The following RANGAP1 variants were observed in gnomAD, a reference collection of about 807,000 sequenced individuals.
RANGAP1 encodes the protein Ran GTPase activating protein 1.
A neutral mutation model predicts 63.5 loss-of-function variants in RANGAP1; 38 were observed. That is an observed-to-expected ratio of 0.60 (90% CI 0.46 to 0.78). RANGAP1 has a LOEUF of 0.78. Among genes scored for constraint, RANGAP1 ranks in the 30% least tolerant of loss-of-function variants. The pLI is 0.00. For missense variants in RANGAP1, 630 were observed against 740.3 expected (o/e 0.85, Z 1.73); for synonymous variants, 329 against 310.5 (o/e 1.06, Z -0.63).
intron 5 of RANGAP1, among the ~76,000 whole-genome samples, chr22:41,262,373 A>G (rs772987341): frequency 1.3e-5 from 2 of 152,052 alleles, no homozygotes; most frequent in Non-Finnish European, 2.9e-5. Flanking sequence ...AGAACACCTG[A>G]TGTTTGCAGA....
rs56205328 is a variant in RANGAP1, at chr22:41,261,694, A to G, written c.481-114T>C. The G allele has an allele frequency of 5.8e-3, 7,611 of 1,314,272 alleles. 30 individuals are homozygous for G. The highest frequency in any genetic ancestry group is 7.3e-3 in the Non-Finnish European group (6,895 of 942,738). 81.4% of individuals were successfully genotyped at this position (1,314,272 alleles called of 1,614,324 possible). On this transcript the variant is annotated intron_variant, in intron 5 of 15. Coordinates refer to ENST00000356244, the MANE Select transcript of RANGAP1 (RefSeq NM_002883.4). ...CCCACGCCACCCATCGGTGCAGGTC[A>G]GGGGACGCAGGACTGCTAACAGCTC...
upstream of RANGAP1, among the ~76,000 whole-genome samples, chr22:41,289,026 G>T (rs192353372): frequency 3.3e-5 from 5 of 149,668 alleles, no homozygotes; most frequent in Admixed American, 2.7e-4. Context: ...AGGTTCAAGT[G>T]ATTCTTCTGC....
Position 41,245,155 on chromosome 22 carries a change from C to G in RANGAP1, c.*1448G>C, listed in dbSNP as rs962774118. 6.6e-6 allele frequency among the ~76,000 whole-genome samples: 1 copy of G among 152,260 alleles called. No individual in the cohort carries two copies. Among genetic ancestry groups the G allele is most frequent in the African/African-American group, 2.4e-5 (1 of 41,474 alleles). On this transcript the variant is annotated 3_prime_UTR_variant, in exon 16 of 16. Coordinates refer to ENST00000356244, the MANE Select transcript of RANGAP1 (RefSeq NM_002883.4). ...CAGGGCCAGCAGTATCCTCTGCCAC[C>G]TGGTCACCTACGTGGCCGACTGCCA...
chr22:41,279,497 T>C (rs1476762189), intron 2 of RANGAP1, among the ~76,000 whole-genome samples: 1 of 149,136 alleles, frequency 6.7e-6, no homozygotes, highest in African/African-American at 2.5e-5. Context: ...AAAAGAAAAT[T>C]AGCTGGGCAT....
the RANGAP1 span, among the ~76,000 whole-genome samples, chr22:41,299,885 G>T: frequency 2.6e-5 from 4 of 151,960 alleles, no homozygotes; most frequent in South Asian, 8.3e-4. Flanking sequence ...CTGTGTAGCT[G>T]GGACTACAGG....
chr22:41,249,050 G>A (rs539451043), intron 15 of RANGAP1, among the ~76,000 whole-genome samples: 4 of 152,340 alleles, frequency 2.6e-5, no homozygotes, highest in Admixed American at 2.6e-4. Flanking sequence ...AACCAACCCA[G>A]TGCTCCTCAT....
chr22:41,286,792 C>T (rs1388064743), upstream of RANGAP1, among the ~76,000 whole-genome samples: 1 of 152,256 alleles, frequency 6.6e-6, no homozygotes, highest in Non-Finnish European at 1.5e-5. Flanking sequence ...TCATCGCACG[C>T]TTTCTGTGTG....
intron 2 of RANGAP1, among the ~76,000 whole-genome samples, chr22:41,279,516 A>C (rs1459039407): frequency 1.3e-5 from 2 of 151,474 alleles, no homozygotes; most frequent in African/African-American, 4.9e-5. Context: ...ATGGTTGTAC[A>C]CACCTGTAGT....
chr22:41,268,246 G>T, intron 3 of RANGAP1, 90 bp from the exon 4 acceptor site: 1 of 1,096,066 alleles, frequency 9.1e-7, no homozygotes, highest in Non-Finnish European at 1.4e-6. Flanking sequence ...AACTACCAGA[G>T]CATCACAAGA....
chr22:41,256,589 C>T (rs778660435), intron 8 of RANGAP1, 122 bp downstream of exon 8: 67 of 828,382 alleles, frequency 8.1e-5, no homozygotes, highest in Non-Finnish European at 1.1e-4. Flanking sequence ...TCACAGGGCC[C>T]GAAGTGGAGG....
intron 4 of RANGAP1, among the ~76,000 whole-genome samples, chr22:41,267,517 C>T (rs1208285288): frequency 1.3e-5 from 2 of 152,168 alleles, no homozygotes; most frequent in Non-Finnish European, 2.9e-5. Context: ...CTTGGCCAGG[C>T]ATGCCTTTCT....
Position 41,257,803 on chromosome 22 carries a change from A to G in RANGAP1, c.774+145T>C, listed in dbSNP as rs1003405518. 2.1e-5 allele frequency: 22 copies of G among 1,032,116 alleles called. No individual in the cohort carries two copies. In the South Asian group the frequency reaches 3.9e-4, roughly 18 times the overall value. 63.9% of individuals were successfully genotyped at this position (1,032,116 alleles called of 1,614,324 possible). ...CTGCAACCCTGTTCAGGACATGTTCAAAGAGCTGGAGCCATGGGGCACACA... is the reference window on the plus strand; with the variant it reads ...CTGCAACCCTGTTCAGGACATGTTCGAAGAGCTGGAGCCATGGGGCACACA... On this transcript the variant is annotated intron_variant, in intron 7 of 15. Coordinates refer to ENST00000356244, the MANE Select transcript of RANGAP1 (RefSeq NM_002883.4). The surrounding 1 kb of genome is among the most constrained non-coding windows in gnomAD (Gnocchi z 4.0).
At chr22:41,269,739 CAAAAAAA>C (rs35959490) in intron 3 of RANGAP1, among the ~76,000 whole-genome samples, 3 of 93,086 alleles carry the variant, frequency 3.2e-5, no homozygotes, top group Admixed American at 1.1e-4. Flanking sequence ...AAGACTCTCT[CAAAAAAA>C]AAAAAAAAAA....
At chr22:41,277,629 TAAG>T (rs1569207679) in intron 2 of RANGAP1, 4 of 578,790 alleles carry the variant, frequency 6.9e-6, no homozygotes, top group Non-Finnish European at 9.7e-6. Context: ...AGGGGCTCCC[TAAG>T]AAGTTGTCCA....
the RANGAP1 span, among the ~76,000 whole-genome samples, chr22:41,300,225 A>G: frequency 6.6e-6 from 1 of 151,910 alleles, no homozygotes; most frequent in Non-Finnish European, 1.5e-5. Flanking sequence ...CTCTTCAAGA[A>G]TATGTGTTCA....
chr22:41,278,849 A>G (rs1323105879), intron 2 of RANGAP1, among the ~76,000 whole-genome samples: 1 of 152,184 alleles, frequency 6.6e-6, no homozygotes, highest in East Asian at 1.9e-4. Context: ...AAAAATACAA[A>G]AATAAGGGGC....
chr22:41,245,226 AG>A lies in RANGAP1; in HGVS notation c.*1376del, dbSNP rs562754629. Among the ~76,000 whole-genome samples the A allele has an allele frequency of 4.6e-5, 7 of 152,236 alleles. No homozygotes were observed. In the South Asian group the frequency reaches 1.4e-3, roughly 32 times the overall value. ...AAGAAACCTTGGAGGGACTTCTTGG[AG>A]GCCGTTTGTGGGGGACATGGGCTCC... On this transcript the variant is annotated 3_prime_UTR_variant, in exon 16 of 16. Transcript: ENST00000356244.
rs1337067848 is a variant in RANGAP1, at chr22:41,246,180, AGG to A, written c.*421_*422del. The A allele has an allele frequency of 5.2e-6, 1 of 192,168 alleles. No homozygotes were observed. The highest frequency in any genetic ancestry group is 2.3e-5 in the African/African-American group (1 of 42,586). The allele number at this position is 192,168 out of a possible 1,614,324, so 11.9% of individuals were successfully genotyped here. The stretch of plus-strand genomic sequence containing the variant: ...AGGAAACAACCCAATCACAACACAG[AGG>A]GGAAGGACAGCACGCGGGCAACTCC... On this transcript the variant is annotated 3_prime_UTR_variant, in exon 16 of 16. Coordinates refer to ENST00000356244, the MANE Select transcript of RANGAP1 (RefSeq NM_002883.4).
chr22:41,289,522 C>T (rs1452889684), upstream of RANGAP1, among the ~76,000 whole-genome samples: 1 of 151,946 alleles, frequency 6.6e-6, no homozygotes, highest in Non-Finnish European at 1.5e-5. Flanking sequence ...ACTCGGGAGG[C>T]TGGGGCAGGA....
Sources: gnomAD v4.1 joint callset for allele counts (sites outside exome capture counted in the v4.1 genomes callset) on GRCh38, gnomAD v4.1.1 for gene constraint, Gnocchi (gnomAD v3.1) non-coding constraint, MANE v1.5 for transcripts, NCBI Gene and HGNC (gene_info 2026-07-23, HGNC 2026-07-21) for gene names.